Variants in RRP1 observed in about 807,000 individuals in gnomAD.
The protein encoded by RRP1 is ribosomal RNA processing protein 1 homolog A.
A neutral mutation model predicts 54.6 loss-of-function variants in RRP1; 37 were observed. The ratio of observed to expected loss-of-function variants is 0.68; its 90% CI spans 0.52 to 0.89. RRP1 has a LOEUF of 0.89. RRP1 is among the 40% of genes least tolerant of loss of function. The pLI is 0.00. For missense variants in RRP1, 639 were observed against 612.5 expected (o/e 1.04, Z -0.46); for synonymous variants, 262 against 244.3 (o/e 1.07, Z -0.67).
chr21:43,792,794 C>G (rs946067230), intron 3 of RRP1, 65 bp downstream of exon 3: 14 of 1,539,704 alleles, frequency 9.1e-6, no homozygotes, highest in East Asian at 6.7e-5. Flanking sequence ...ATCAGAGCCA[C>G]CAGACCCAGG....
chr21:43,791,236 C>A, intron 1 of RRP1, 114 bp from the exon 2 acceptor site: 1 of 1,102,554 alleles, frequency 9.1e-7, no homozygotes. Flanking sequence ...CCCCAGTTGC[C>A]TTTACCGTAA....
chr21:43,803,867 G>T lies in RRP1; in HGVS notation c.*93G>T. 1 of 1,411,944 alleles carries T rather than the reference G, an allele frequency of 7.1e-7. No homozygotes were observed. The allele number at this position is 1,411,944 out of a possible 1,614,324, so 87.5% of individuals were successfully genotyped here. A position where few individuals can be genotyped will look rare whatever the true frequency, so the allele number is the denominator to read the frequency against. ...CGGGCTGTTCTGTAGACTCAGGACC[G>T]TGGCTCCAGAACTCCTGTGCCAGGC... On this transcript the variant is annotated 3_prime_UTR_variant, in exon 13 of 13. Transcript: ENST00000497547.
rs972147686 is a variant in RRP1, at chr21:43,803,906, G to A, written c.*132G>A. 28 of 1,140,848 alleles carry A rather than the reference G, an allele frequency of 2.5e-5. No individual in the cohort carries two copies. In the East Asian group the frequency reaches 3.5e-4, roughly 14 times the overall value. The allele number at this position is 1,140,848 out of a possible 1,614,324, so 70.7% of individuals were successfully genotyped here. A position where few individuals can be genotyped will look rare whatever the true frequency, so the allele number is the denominator to read the frequency against. On this transcript the variant is annotated 3_prime_UTR_variant, in exon 13 of 13. Coordinates refer to ENST00000497547, the MANE Select transcript of RRP1 (RefSeq NM_003683.6). Reference sequence around the variant, plus strand: ...CCTGTGCCAGGCGGGAGGGAAGGGCGGCACTGGAGAGATGGGCCCATCATT... The same window carrying A: ...CCTGTGCCAGGCGGGAGGGAAGGGCAGCACTGGAGAGATGGGCCCATCATT...
intron 3 of RRP1, 183 bp from the exon 4 acceptor site, chr21:43,793,136 G>T: frequency 1.6e-6 from 1 of 606,436 alleles, no homozygotes; most frequent in Non-Finnish European, 2.9e-6. Context: ...CACTTGAGGA[G>T]CCTCTAAAAA....
rs769470175 is a variant in RRP1 at position 43,791,338 on chromosome 21, G to A, written c.134-12G>A. The A allele has an allele frequency of 1.1e-5, 17 of 1,613,482 alleles. No individual in the cohort carries two copies. Among genetic ancestry groups the A allele is most frequent in the East Asian group, 8.9e-5 (4 of 44,886 alleles). ...GGATTCATTTGGTCCAACCGTTGCT[G>A]TTTTGATGCAGGTGGTTTTACGCAC... On this transcript the variant is annotated splice_polypyrimidine_tract_variant and intron_variant, in intron 1 of 12. Transcript: ENST00000497547.
rs1361899202 is a variant in RRP1 at position 43,792,849 on chromosome 21, G to C, written c.274+120G>C. ...CAGAGTAAGGAATGCCTAAGGGCAAGAGAGCGCCAGCTGGTGTCTGTGGGT... is the reference window on the plus strand; with the variant it reads ...CAGAGTAAGGAATGCCTAAGGGCAACAGAGCGCCAGCTGGTGTCTGTGGGT... On this transcript the variant is annotated intron_variant, in intron 3 of 12. Transcript: ENST00000497547. 3 of 1,034,176 alleles carry C rather than the reference G, an allele frequency of 2.9e-6. No homozygotes were observed. The East Asian group carries it at 7.1e-5, about 25-fold the overall frequency. 64.1% of individuals were successfully genotyped at this position (1,034,176 alleles called of 1,614,324 possible). A position where few individuals can be genotyped will look rare whatever the true frequency, so the allele number is the denominator to read the frequency against.
chr21:43,793,739 G>A (rs1019881282), intron 4 of RRP1, among the ~76,000 whole-genome samples: 2 of 152,238 alleles, frequency 1.3e-5, no homozygotes, highest in Admixed American at 6.5e-5. Context: ...GTCTGGAGGC[G>A]CAGCAGAGGA....
At position 43,791,431 on chromosome 21, in the gene RRP1, A is replaced by G; in HGVS notation, c.215A>G (p.Gln72Arg). The G allele has an allele frequency of 1.2e-6, 2 of 1,613,678 alleles. No homozygotes were observed. Among genetic ancestry groups the G allele is most frequent in the Non-Finnish European group, 1.7e-6 (2 of 1,179,616 alleles). Residue 72 changes from glutamine (Q) to arginine (R), a missense_variant and splice_region_variant, in exon 2 of 13, where the codon CAG (glutamine) becomes CGG (arginine). Transcript: ENST00000497547. ...TGGATGCAGGACAAGCCACTCCTCC[A>G]GGTGAGTGGGGGGAGCAGCAGAGCA... Reference protein sequence around the residue: ...CMWMQDKPLLQEELGRTISQL... With the variant: ...CMWMQDKPLLREELGRTISQL...
At chr21:43,800,736 G>T in intron 10 of RRP1, 122 bp downstream of exon 10, 1 of 1,476,632 alleles carries the variant, frequency 6.8e-7, no homozygotes, top group South Asian at 1.1e-5. Flanking sequence ...TCCCCGCTAG[G>T]ACCCTGAGAC....
intron 4 of RRP1, among the ~76,000 whole-genome samples, chr21:43,794,976 A>G (rs2085002680): frequency 6.6e-6 from 1 of 152,140 alleles, no homozygotes; most frequent in Admixed American, 6.5e-5. Flanking sequence ...AGCCGGGGAT[A>G]GGGCATGTTC....
chr21:43,795,708 C>G (rs1465650883), intron 5 of RRP1, among the ~76,000 whole-genome samples: 1 of 152,190 alleles, frequency 6.6e-6, no homozygotes, highest in Admixed American at 6.5e-5. Flanking sequence ...ACCACCAGGC[C>G]CACGTAATTT....
At chr21:43,798,589 A>G (rs1601871971) in intron 8 of RRP1, among the ~76,000 whole-genome samples, 1 of 152,070 alleles carries the variant, frequency 6.6e-6, no homozygotes, top group Middle Eastern at 3.4e-3. Flanking sequence ...AGCTCTGTCC[A>G]TATTGACCAT....
At chr21:43,801,911 A>G (rs900054800) in intron 11 of RRP1, among the ~76,000 whole-genome samples, 1 of 152,164 alleles carries the variant, frequency 6.6e-6, no homozygotes, top group Admixed American at 6.5e-5. Context: ...TGCTCGTCGC[A>G]GTGTTTTCTG....
At chr21:43,803,463 G>C (rs778504375) in intron 12 of RRP1, 49 bp from the exon 13 acceptor site, 69 of 1,492,954 alleles carry the variant, frequency 4.6e-5, no homozygotes, top group Non-Finnish European at 5.8e-5. Context: ...TAAGTGGAAA[G>C]AGCCCGTGTT....
chr21:43,800,245 G>A lies in RRP1; in HGVS notation c.892-272G>A, dbSNP rs11701462. On this transcript the variant is annotated intron_variant, in intron 9 of 12. Transcript: ENST00000497547. ...AGCTGCAGGCAGGCTACCGGCGGGCGTGTGCCCTGCAGTGTGCCCCGCAGT... is the reference window on the plus strand; with the variant it reads ...AGCTGCAGGCAGGCTACCGGCGGGCATGTGCCCTGCAGTGTGCCCCGCAGT... Among the ~76,000 whole-genome samples the A allele has an allele frequency of 6.3e-3, 966 of 152,328 alleles. 7 individuals carry two copies. The highest frequency in any genetic ancestry group is 6.8e-3 in the Middle Eastern group (2 of 294).
chr21:43,790,740 G>C (rs535858130), intron 1 of RRP1: 2 of 294,162 alleles, frequency 6.8e-6, no homozygotes, highest in East Asian at 2.0e-4. Context: ...GGCACCGTGC[G>C]GCCAGGCCAG....
rs2084935023 is a variant in RRP1 at position 43,789,614 on chromosome 21, C to T, written c.-16C>T. The T allele has an allele frequency of 9.5e-6, 15 of 1,585,740 alleles. No homozygotes were observed. The highest frequency in any genetic ancestry group is 1.4e-5 in the African/African-American group (1 of 73,008). On this transcript the variant is annotated 5_prime_UTR_variant, in exon 1 of 13. Transcript: ENST00000497547. The stretch of plus-strand genomic sequence containing the variant: ...ACCAGGCGACTCCGGGACAGGGGGT[C>T]TCGGCCGTCGGCGTCATGGTTTCGC...
chr21:43,793,042 A>C lies in RRP1; in HGVS notation c.275-277A>C. On this transcript the variant is annotated intron_variant, in intron 3 of 12. Coordinates refer to ENST00000497547, the MANE Select transcript of RRP1 (RefSeq NM_003683.6). ...GACTGAATTCCGCCTGATGGTCCTGAGGTTCCTGCAGTTGATTTTTCTGAC... is the reference window on the plus strand; with the variant it reads ...GACTGAATTCCGCCTGATGGTCCTGCGGTTCCTGCAGTTGATTTTTCTGAC... 5.4e-6 allele frequency: 3 copies of C among 552,258 alleles called. No individual in the cohort carries two copies. The East Asian group carries it at 9.3e-5, about 17-fold the overall frequency. 34.2% of individuals were successfully genotyped at this position (552,258 alleles called of 1,614,324 possible). A position where few individuals can be genotyped will look rare whatever the true frequency, so the allele number is the denominator to read the frequency against.
intron 5 of RRP1, 189 bp from the exon 6 acceptor site, chr21:43,797,233 C>A: frequency 3.4e-6 from 3 of 884,158 alleles, no homozygotes; most frequent in Non-Finnish European, 4.9e-6. Flanking sequence ...TGCAAGACTG[C>A]CTTGCGCTGG....
Sources: gnomAD v4.1 joint callset for allele counts (sites outside exome capture counted in the v4.1 genomes callset) on GRCh38, gnomAD v4.1.1 for gene constraint, MANE v1.5 for transcripts, NCBI Gene and HGNC (gene_info 2026-07-23, HGNC 2026-07-21) for gene names.